The following MMP20 variants were observed in gnomAD, a reference collection of about 807,000 sequenced individuals.
MMP20 encodes the protein matrix metallopeptidase 20, also known as matrix metalloproteinase-20.
Under a neutral mutation model 51.8 loss-of-function variants are expected in MMP20, and 50 were observed. That is an observed-to-expected ratio of 0.97 (90% CI 0.77 to 1.22). The LOEUF (loss-of-function observed/expected upper bound fraction) is 1.22, where lower values mean the gene tolerates loss of function less well. Among genes scored for constraint, MMP20 ranks in the 50% most tolerant of loss-of-function variants. The pLI is 0.00. For synonymous variants in MMP20, 244 were observed against 216.2 expected (o/e 1.13, Z -1.13); for missense variants, 663 against 601.4 (o/e 1.10, Z -1.07).
chr11:102,581,380 G>C (rs775471833), intron 8 of MMP20, among the ~76,000 whole-genome samples: 1 of 152,088 alleles, frequency 6.6e-6, no homozygotes, highest in African/African-American at 2.4e-5. Context: ...TAATATTTGC[G>C]GTGGTAGGCA....
intron 8 of MMP20, among the ~76,000 whole-genome samples, chr11:102,582,214 C>A (rs1859204334): frequency 6.6e-6 from 1 of 152,098 alleles, no homozygotes; most frequent in South Asian, 2.1e-4. Context: ...ATGCTTAGAA[C>A]TTAGATTTGT....
At chr11:102,587,405 G>C (rs1859266840) in intron 8 of MMP20, among the ~76,000 whole-genome samples, 1 of 152,162 alleles carries the variant, frequency 6.6e-6, no homozygotes, top group Admixed American at 6.5e-5. Flanking sequence ...ATGTTCACTT[G>C]AAAAGAATGT....
At chr11:102,624,533 G>A (rs982939050) in intron 1 of MMP20, among the ~76,000 whole-genome samples, 4 of 151,640 alleles carry the variant, frequency 2.6e-5, no homozygotes, top group Non-Finnish European at 5.9e-5. Flanking sequence ...AGTCATAGAG[G>A]AGAGATCTCA....
intron 6 of MMP20, among the ~76,000 whole-genome samples, chr11:102,603,005 C>T (rs540045788): frequency 2.0e-5 from 3 of 152,188 alleles, no homozygotes; most frequent in African/African-American, 7.2e-5. Context: ...ATATATATGC[C>T]TCTCAACTTA....
chr11:102,596,226 G>A (rs561335327), intron 6 of MMP20, among the ~76,000 whole-genome samples: 1 of 152,340 alleles, frequency 6.6e-6, no homozygotes, highest in East Asian at 1.9e-4. Flanking sequence ...TATCCCTAAT[G>A]AGGCAACTTA....
In MMP20 at chr11:102,616,631, G is replaced by A. The variant is rs17099076; in HGVS notation, c.374+181C>T. Among the ~76,000 whole-genome samples the A allele has an allele frequency of 6.8e-3, 1,033 of 152,258 alleles. 17 individuals carry two copies. Among genetic ancestry groups the A allele is most frequent in the African/African-American group, 0.024 (979 of 41,552 alleles). ...CAGTCATTATGATAATCCTAAAACC[G>A]TATTTTCTGGTGAATTGCCCATTGT... On this transcript the variant is annotated intron_variant, in intron 2 of 9. Coordinates refer to ENST00000260228, the MANE Select transcript of MMP20 (RefSeq NM_004771.4).
chr11:102,623,639 A>G (rs892643061), intron 1 of MMP20, among the ~76,000 whole-genome samples: 1 of 152,192 alleles, frequency 6.6e-6, no homozygotes, highest in East Asian at 1.9e-4. Context: ...CAAAGGACCA[A>G]TAATTAATAT....
At chr11:102,581,177 C>CCACA (rs36075826) in intron 8 of MMP20, among the ~76,000 whole-genome samples, 38 of 149,286 alleles carry the variant, frequency 2.5e-4, no homozygotes, top group Admixed American at 6.7e-4. Context: ...CACGCACACA[C>CCACA]CACACACACA....
At chr11:102,578,737 AAAAAAC>A (rs1250738677) in intron 9 of MMP20, among the ~76,000 whole-genome samples, 6 of 906 alleles carry the variant, frequency 6.6e-3, no homozygotes, top group Admixed American at 0.021. Flanking sequence ...TCCGTCTCAA[AAAAAAC>A]AAAAAACAAA....
At position 102,610,039 on chromosome 11, in the gene MMP20, G is replaced by T. The variant is rs753871290; in HGVS notation, c.524-9C>A. 6 of 1,614,036 alleles carry T rather than the reference G, an allele frequency of 3.7e-6. No individual in the cohort carries two copies. Among genetic ancestry groups the T allele is most frequent in the East Asian group, 2.2e-5 (1 of 44,880 alleles). Reference sequence around the variant, plus strand: ...ATAGGAATCCCCGTGATCTAAACAAGTGGGGAGAAAGGCCAACAAGATTGA... The same window carrying T: ...ATAGGAATCCCCGTGATCTAAACAATTGGGGAGAAAGGCCAACAAGATTGA... On this transcript the variant is annotated splice_polypyrimidine_tract_variant and intron_variant, in intron 3 of 9. Coordinates refer to ENST00000260228, the MANE Select transcript of MMP20 (RefSeq NM_004771.4).
At chr11:102,585,480 A>G (rs1213621226) in intron 8 of MMP20, among the ~76,000 whole-genome samples, 3 of 152,184 alleles carry the variant, frequency 2.0e-5, no homozygotes, top group Non-Finnish European at 4.4e-5. Flanking sequence ...GAACTCATTT[A>G]TTAGTTCTAA....
chr11:102,586,894 C>G (rs1033320910), intron 8 of MMP20, among the ~76,000 whole-genome samples: 8 of 152,162 alleles, frequency 5.3e-5, no homozygotes, highest in African/African-American at 1.9e-4. Context: ...TCTCAAAGAA[C>G]CAACCTTCAG....
chr11:102,583,130 A>G (rs1446341318), intron 8 of MMP20, among the ~76,000 whole-genome samples: 12 of 152,174 alleles, frequency 7.9e-5, no homozygotes, highest in Non-Finnish European at 1.6e-4. Context: ...AATCTGCTTC[A>G]TTTCTTAAGT....
intron 9 of MMP20, 63 bp from the exon 10 acceptor site, chr11:102,577,489 A>G: frequency 1.8e-6 from 2 of 1,131,162 alleles, no homozygotes; most frequent in South Asian, 2.5e-5. Flanking sequence ...AAATGGAAGA[A>G]TTTGTCACTG....
At chr11:102,601,601 A>T (rs1446637435) in intron 6 of MMP20, among the ~76,000 whole-genome samples, 1 of 152,054 alleles carries the variant, frequency 6.6e-6, no homozygotes, top group Admixed American at 6.6e-5. Flanking sequence ...TTTATGTGGG[A>T]GATTCAAAAC....
In MMP20 at chr11:102,625,135, G is replaced by A; in HGVS notation, c.126+59C>T. ...AATTTTTTTCTTATTTTCTCACTAT[G>A]CCCTTTTAGGTTTTCTAGGGCAGAG... On this transcript the variant is annotated intron_variant, in intron 1 of 9. Coordinates refer to ENST00000260228, the MANE Select transcript of MMP20 (RefSeq NM_004771.4). The A allele has an allele frequency of 1.9e-6, 3 of 1,603,024 alleles. No individual in the cohort carries two copies. In the Admixed American group the frequency reaches 5.0e-5, roughly 27 times the overall value.
At chr11:102,615,279 AATTT>A (rs1418423268) in intron 2 of MMP20, among the ~76,000 whole-genome samples, 8 of 147,866 alleles carry the variant, frequency 5.4e-5, no homozygotes, top group Non-Finnish European at 1.0e-4. Flanking sequence ...TATTTAATAT[AATTT>A]ATTTAATATA....
rs768994557 is a variant in MMP20, at chr11:102,594,736, A to C, written c.975T>G (p.Val325=). 50 of 1,608,388 alleles carry C rather than the reference A, an allele frequency of 3.1e-5. No individual in the cohort carries two copies. Among genetic ancestry groups the C allele is most frequent in the Non-Finnish European group, 4.2e-5 (50 of 1,179,004 alleles). The change falls in exon 7 of 10, where the codon GTT becomes GTG. Residue 325 remains valine, a synonymous_variant. Coordinates refer to ENST00000260228, the MANE Select transcript of MMP20 (RefSeq NM_004771.4). ...TGGGCCGAATTCCTGTCCGCAAGTG[A>C]ACCTGCCGTCTCCAGAAAATCCTAT... The part of the protein sequence containing the change: ...FKDRIFWRRQ[V]HLRTGIRPST...
chr11:102,594,541 A>T (rs1021344234), intron 7 of MMP20, 80 bp downstream of exon 7: 11 of 1,575,584 alleles, frequency 7.0e-6, no homozygotes, highest in Non-Finnish European at 9.5e-6. Context: ...GACTGGAAAA[A>T]TGCTGGCAGG....
Sources: allele counts gnomAD v4.1 joint callset (sites outside exome capture counted in the v4.1 genomes callset), GRCh38; gene constraint gnomAD v4.1.1; transcripts MANE v1.5; gene names NCBI Gene and HGNC (gene_info 2026-07-23, HGNC 2026-07-21).